Variants in NWD1 observed in about 807,000 individuals in gnomAD.
NWD1 encodes NACHT and WD repeat domain containing 1, also known as NACHT domain- and WD repeat-containing protein 1.
In NWD1, 129 loss-of-function variants were observed where a neutral mutation model predicts 135.1. That is an observed-to-expected ratio of 0.96 (90% CI 0.83 to 1.11). The LOEUF (loss-of-function observed/expected upper bound fraction) is 1.11, where lower values mean the gene tolerates loss of function less well. Ranked by LOEUF, NWD1 falls within the 50% of genes least tolerant of loss-of-function variation. The pLI, the probability that NWD1 is intolerant of heterozygous loss-of-function variation, is 0.00. For synonymous variants in NWD1, 773 were observed against 786.0 expected (o/e 0.98, Z 0.28); for missense variants, 1,740 against 1,851.3 (o/e 0.94, Z 1.10).
rs1172668968 is a variant in NWD1 at position 16,736,707 on chromosome 19, A to C, written c.155A>C (p.Glu52Ala). 14 of 1,536,236 alleles carry C rather than the reference A, an allele frequency of 9.1e-6. No homozygotes were observed. Among genetic ancestry groups the C allele is most frequent in the Non-Finnish European group, 1.2e-5 (14 of 1,146,824 alleles). ...DHLTTELCLEEVDRCWKTSIG... is the reference protein window; with the variant it reads ...DHLTTELCLEAVDRCWKTSIG... ...TTGACCACAGAACTCTGCTTGGAGGAGGTTGACCGGTGTTGGAAAACATCC... is the reference window on the plus strand; with the variant it reads ...TTGACCACAGAACTCTGCTTGGAGGCGGTTGACCGGTGTTGGAAAACATCC... Residue 52 changes from glutamate (E) to alanine (A), a missense_variant, in exon 4 of 19, where the codon GAG becomes GCG. Glu to Ala is a moderately radical substitution (Grantham distance 107). Transcript: ENST00000524140.
At chr19:16,720,986 G>A (rs1185068337) in intron 1 of NWD1, among the ~76,000 whole-genome samples, 1 of 152,050 alleles carries the variant, frequency 6.6e-6, no homozygotes, top group Admixed American at 6.6e-5. Context: ...GAGTAGCTGG[G>A]ATTACAGGTA....
chr19:16,812,883 C>T (rs1970968522), intron 18 of NWD1: 2 of 780,466 alleles, frequency 2.6e-6, no homozygotes, highest in African/African-American at 3.4e-5. Flanking sequence ...CAGGATTGAG[C>T]TTCGATCTGG....
chr19:16,748,348 G>A (rs1204261439), intron 5 of NWD1, among the ~76,000 whole-genome samples: 1 of 152,054 alleles, frequency 6.6e-6, no homozygotes, highest in Admixed American at 6.6e-5. Flanking sequence ...TACAAGCTAG[G>A]GTGTATTAAT....
At chr19:16,732,278 C>T (rs773771970) in intron 3 of NWD1, among the ~76,000 whole-genome samples, 8 of 150,876 alleles carry the variant, frequency 5.3e-5, no homozygotes, top group Non-Finnish European at 1.2e-4. Flanking sequence ...GCTTGGTTAG[C>T]ATGGCAGGTG....
chr19:16,755,163 T>A (rs1159434693), intron 6 of NWD1, among the ~76,000 whole-genome samples: 1 of 152,120 alleles, frequency 6.6e-6, no homozygotes, highest in African/African-American at 2.4e-5. Flanking sequence ...AATCTCTATA[T>A]CTATCTCTCT....
At chr19:16,763,723 G>T (rs770044694) in intron 8 of NWD1, 105 bp from the exon 9 acceptor site, 16 of 747,216 alleles carry the variant, frequency 2.1e-5, no homozygotes, top group Non-Finnish European at 3.3e-5. Context: ...TTGCATTCTC[G>T]TCCACTCCAG....
chr19:16,815,325 T>C lies in NWD1; in HGVS notation c.*286T>C, dbSNP rs1445790012. 1 of 756,118 alleles carries C rather than the reference T, an allele frequency of 1.3e-6. No individual in the cohort carries two copies. Among genetic ancestry groups the C allele is most frequent in the East Asian group, 2.4e-5 (1 of 41,020 alleles). 46.8% of individuals were successfully genotyped at this position (756,118 alleles called of 1,614,324 possible). A position where few individuals can be genotyped will look rare whatever the true frequency, so the allele number is the denominator to read the frequency against. On this transcript the variant is annotated 3_prime_UTR_variant, in exon 19 of 19. Transcript: ENST00000524140. ...AAATGCTCACAAGTGTGCCTGATAG[T>C]GTAAAAAAATAAAAATAAAAAAACC...
At chr19:16,756,458 G>T (rs1968801642) in intron 6 of NWD1, among the ~76,000 whole-genome samples, 1 of 152,072 alleles carries the variant, frequency 6.6e-6, no homozygotes, top group Non-Finnish European at 1.5e-5. Context: ...GACTCATGCA[G>T]TTCAAACCTG....
chr19:16,816,660 G>A lies in NWD1; in HGVS notation c.*1621G>A, dbSNP rs550767745. The A allele has an allele frequency of 6.6e-6, 1 of 152,160 alleles. No homozygotes were observed. Among genetic ancestry groups the A allele is most frequent in the South Asian group, 2.1e-4 (1 of 4,826 alleles). 9.4% of individuals were successfully genotyped at this position (152,160 alleles called of 1,614,324 possible). On this transcript the variant is annotated 3_prime_UTR_variant, in exon 19 of 19. Coordinates refer to ENST00000524140, the MANE Select transcript of NWD1 (RefSeq NM_001007525.5). ...TAAAAGCCCTTCTCAGTCTTCTCAG[G>A]CTTTTACTTTAATGCTAGGATAGTC... is the stretch of plus-strand genomic sequence containing the variant.
At chr19:16,759,589 A>G (rs560040873) in intron 7 of NWD1, among the ~76,000 whole-genome samples, 161 bp downstream of exon 7, 2 of 152,254 alleles carry the variant, frequency 1.3e-5, no homozygotes, top group East Asian at 3.9e-4. Flanking sequence ...TTTAAAATTG[A>G]GTTGAGGCTG....
chr19:16,804,852 G>T (rs1330990165), intron 17 of NWD1, among the ~76,000 whole-genome samples: 1 of 151,494 alleles, frequency 6.6e-6, no homozygotes, highest in Non-Finnish European at 1.5e-5. Context: ...AAGAGTCAGG[G>T]CTCACTCTAC....
At chr19:16,756,288 T>C (rs980971115) in intron 6 of NWD1, among the ~76,000 whole-genome samples, 2 of 152,170 alleles carry the variant, frequency 1.3e-5, no homozygotes, top group East Asian at 3.9e-4. Context: ...AAAATACATG[T>C]ACTATTCATG....
rs777955571 is a variant in NWD1 at position 16,797,737 on chromosome 19, G to A, written c.3310G>A (p.Gly1104Arg). 84 of 1,613,592 alleles carry A rather than the reference G, an allele frequency of 5.2e-5. No homozygotes were observed. The highest frequency in any genetic ancestry group is 7.0e-5 in the Non-Finnish European group (83 of 1,179,770). The stretch of plus-strand genomic sequence containing the variant: ...CCCAGTTCCTGCCGTTTCAGGCTTT[G>A]GAAGATCGGTGCGGATATTCTTGGC... ...EDESLLAAGF[G>R]RSVRIFLADS... is the part of the protein sequence containing the mutation. Residue 1104 changes from glycine (G) to arginine (R), a missense_variant, in exon 16 of 19, where the codon GGA (glycine) becomes AGA (arginine). Gly to Arg is a moderately radical substitution (Grantham distance 125). Coordinates refer to ENST00000524140, the MANE Select transcript of NWD1 (RefSeq NM_001007525.5).
chr19:16,739,160 A>C (rs1180902495), intron 4 of NWD1, among the ~76,000 whole-genome samples: 1 of 144,692 alleles, frequency 6.9e-6, no homozygotes, highest in South Asian at 2.1e-4. Context: ...TTTTCAAAGG[A>C]GCCCAATGAT....
chr19:16,741,789 C>T (rs959954298), intron 4 of NWD1, among the ~76,000 whole-genome samples: 1 of 152,066 alleles, frequency 6.6e-6, no homozygotes, highest in East Asian at 1.9e-4. Context: ...TGGTCTGATT[C>T]TAGATTGATG....
Position 16,728,017 on chromosome 19 carries a change from C to T in NWD1, c.-6-3175C>T, listed in dbSNP as rs1317447542. The stretch of plus-strand genomic sequence containing the variant: ...CAGAGGTTGCAGTGAGCCAAGATCG[C>T]GCCATAGCACTCCAGCCTGAGCAAC... On this transcript the variant is annotated intron_variant, in intron 2 of 18. Transcript: ENST00000524140. Among the ~76,000 whole-genome samples, 3 of 151,610 alleles carry T rather than the reference C, an allele frequency of 2.0e-5. No homozygotes were observed. The East Asian group carries it at 5.9e-4, about 30-fold the overall frequency.
intron 4 of NWD1, among the ~76,000 whole-genome samples, chr19:16,741,163 G>A (rs1372573797): frequency 6.6e-6 from 1 of 151,950 alleles, no homozygotes; most frequent in Non-Finnish European, 1.5e-5. Context: ...TCTGACTCAA[G>A]AAAAGAAAAG....
chr19:16,748,823 C>CAATAAT (rs138566461), intron 5 of NWD1, among the ~76,000 whole-genome samples: 6 of 149,126 alleles, frequency 4.0e-5, no homozygotes, highest in Middle Eastern at 3.4e-3. Flanking sequence ...GACCCTGTCT[C>CAATAAT]AATAATAATA....
intron 18 of NWD1, among the ~76,000 whole-genome samples, chr19:16,814,282 G>T (rs547645737): frequency 6.6e-6 from 1 of 152,336 alleles, no homozygotes; most frequent in Non-Finnish European, 1.5e-5. Context: ...ACTTGCCTAA[G>T]GTCACACAGT....
Sources: gnomAD v4.1 joint callset for allele counts (sites outside exome capture counted in the v4.1 genomes callset) on GRCh38, gnomAD v4.1.1 for gene constraint, MANE v1.5 for transcripts, NCBI Gene and HGNC (gene_info 2026-07-23, HGNC 2026-07-21) for gene names.